MED13L: variants seen among roughly 807,000 people sequenced by gnomAD.
MED13L encodes mediator complex subunit 13L, also known as mediator of RNA polymerase II transcription subunit 13-like.
Under a neutral mutation model 220.9 loss-of-function variants are expected in MED13L, and 7 were observed. That is an observed-to-expected ratio of 0.03 (90% CI 0.02 to 0.06). The LOEUF (loss-of-function observed/expected upper bound fraction) is 0.06, where lower values mean the gene tolerates loss of function less well. MED13L is among the 10% of genes least tolerant of loss of function. The pLI, the probability that MED13L is intolerant of heterozygous loss-of-function variation, is 1.00. For synonymous variants in MED13L, 1,011 were observed against 1,015.2 expected, an observed-to-expected ratio of 1.00 and a Z score of 0.08; for missense variants, 1,965 against 2,760.5, an observed-to-expected ratio of 0.71 and a Z score of 6.46.
At chr12:116,101,328 A>C (rs1593044710) in intron 3 of MED13L, among the ~76,000 whole-genome samples, 1 of 152,214 alleles carries the variant, frequency 6.6e-6, no homozygotes, top group Non-Finnish European at 1.5e-5. Flanking sequence ...TTAAGTGCCC[A>C]CTATGTAACA....
intron 25 of MED13L, among the ~76,000 whole-genome samples, chr12:115,974,178 C>T (rs10850591): frequency 0.061 from 9,339 of 152,216 alleles, 1,011 homozygotes; most frequent in East Asian, 0.39. Context: ...GCCGCTTTGA[C>T]GTTACAACGG....
intron 7 of MED13L, among the ~76,000 whole-genome samples, chr12:116,017,780 T>C (rs1267119861): frequency 6.6e-6 from 1 of 152,018 alleles, no homozygotes; most frequent in Non-Finnish European, 1.5e-5. Context: ...CATGCATAGC[T>C]CATTTTTGTA....
chr12:116,009,779 T>C (rs183335256), intron 9 of MED13L, among the ~76,000 whole-genome samples: 1 of 152,232 alleles, frequency 6.6e-6, no homozygotes. Context: ...CATACACAAA[T>C]GCACCTGAAC....
At chr12:116,020,883 T>A (rs900401195) in intron 5 of MED13L, among the ~76,000 whole-genome samples, 8 of 152,158 alleles carry the variant, frequency 5.3e-5, no homozygotes, top group East Asian at 1.9e-4. Flanking sequence ...GTCTTTTTTT[T>A]AATTTTTTTA....
At chr12:116,090,592 A>C (rs1872117744) in intron 4 of MED13L, among the ~76,000 whole-genome samples, 1 of 152,188 alleles carries the variant, frequency 6.6e-6, no homozygotes, top group Non-Finnish European at 1.5e-5. Flanking sequence ...CACTTCACTT[A>C]GAGAATCAGA....
rs889622818 is a variant in MED13L at position 116,060,591 on chromosome 12, A to C, written c.479+36078T>G. 2.6e-5 allele frequency among the ~76,000 whole-genome samples: 4 copies of C among 152,172 alleles called. No homozygotes were observed. The Middle Eastern group carries it at 0.01, about 388-fold the overall frequency. ...CAAGACTCCAAGGGAAAAAAAAAAA[A>C]AAAACTAAAAATTTGCAAAAGACAA... On this transcript the variant is annotated intron_variant, in intron 4 of 30. Transcript: ENST00000281928.
intron 29 of MED13L, 102 bp from the exon 30 acceptor site, chr12:115,963,621 T>C (rs148211138): frequency 5.8e-6 from 5 of 855,150 alleles, no homozygotes; most frequent in East Asian, 2.6e-5. Flanking sequence ...CAAAAGTCCG[T>C]AGAAGTCAGG....
chr12:116,031,700 GAA>G (rs1566020442), intron 4 of MED13L, among the ~76,000 whole-genome samples: 4 of 30,772 alleles, frequency 1.3e-4, no homozygotes, highest in African/African-American at 3.7e-4. Flanking sequence ...GAAAAGAAAA[GAA>G]AAGAAAAGAA....
chr12:116,001,836 G>A (rs528527730), intron 14 of MED13L, among the ~76,000 whole-genome samples: 1 of 152,330 alleles, frequency 6.6e-6, no homozygotes, highest in South Asian at 2.1e-4. Context: ...ATAGAAATGA[G>A]AGAAAGGATA....
intron 2 of MED13L, among the ~76,000 whole-genome samples, chr12:116,119,685 G>A (rs2137943215): frequency 6.6e-6 from 1 of 151,228 alleles, no homozygotes; most frequent in East Asian, 1.9e-4. Flanking sequence ...CGGGCCTGCA[G>A]TCCTAGCTTC....
chr12:116,097,663 T>C (rs1310049631), intron 3 of MED13L, among the ~76,000 whole-genome samples: 1 of 152,234 alleles, frequency 6.6e-6, no homozygotes, highest in Non-Finnish European at 1.5e-5. Context: ...AATGAATATC[T>C]GCTTTATTCA....
At chr12:116,065,302 T>C (rs1869837282) in intron 4 of MED13L, among the ~76,000 whole-genome samples, 2 of 152,176 alleles carry the variant, frequency 1.3e-5, no homozygotes, top group Non-Finnish European at 2.9e-5. Context: ...TTTACATGTA[T>C]GGTATGCTCT....
At chr12:116,108,038 C>T (rs772013675) in intron 3 of MED13L, among the ~76,000 whole-genome samples, 3 of 151,566 alleles carry the variant, frequency 2.0e-5, no homozygotes, top group South Asian at 2.1e-4. Context: ...TGCAGTGAGC[C>T]GAGATCGTGC....
intron 2 of MED13L, among the ~76,000 whole-genome samples, chr12:116,201,072 G>A (rs1881979384): frequency 6.6e-6 from 1 of 152,088 alleles, no homozygotes; most frequent in African/African-American, 2.4e-5. Flanking sequence ...AAAGAAAACT[G>A]ACTGTACAAA....
chr12:116,261,291 T>C (rs764584467), intron 1 of MED13L, among the ~76,000 whole-genome samples: 6 of 151,818 alleles, frequency 4.0e-5, no homozygotes, highest in Non-Finnish European at 7.4e-5. Context: ...AGGTCAAGAG[T>C]TCAAGACCAG....
At chr12:116,237,030 C>T (rs77327858) in intron 2 of MED13L, 2,720 of 250,234 alleles carry the variant, frequency 0.011, 27 homozygotes, top group Non-Finnish European at 0.015. Context: ...CAATTAGGCT[C>T]AAAACTAAAT....
chr12:116,219,802 T>C (rs1182404946), intron 2 of MED13L, among the ~76,000 whole-genome samples: 1 of 152,068 alleles, frequency 6.6e-6, no homozygotes, highest in Admixed American at 6.5e-5. Flanking sequence ...TTGTTTTATT[T>C]TGTTTTGTTT....
intron 2 of MED13L, among the ~76,000 whole-genome samples, chr12:116,133,792 G>C (rs1331070640): frequency 6.6e-6 from 1 of 152,114 alleles, no homozygotes; most frequent in East Asian, 1.9e-4. Flanking sequence ...CTCCACATCT[G>C]CACTCAGGAA....
At chr12:116,003,157 A>G in intron 13 of MED13L, 55 bp from the exon 14 acceptor site, 1 of 1,489,524 alleles carries the variant, frequency 6.7e-7, no homozygotes, top group Non-Finnish European at 9.4e-7. Context: ...GTAGGGCAGC[A>G]TTCAAATATT....
Sources: gnomAD v4.1 joint callset for allele counts (sites outside exome capture counted in the v4.1 genomes callset) on GRCh38, gnomAD v4.1.1 for gene constraint, MANE v1.5 for transcripts, NCBI Gene and HGNC (gene_info 2026-07-23, HGNC 2026-07-21) for gene names.